SCHIP1: variants seen among roughly 807,000 people sequenced by gnomAD.
The protein encoded by SCHIP1 is schwannomin-interacting protein 1.
SCHIP1 carries 8 observed loss-of-function variants against 29.7 expected under a neutral mutation model. That is an observed-to-expected ratio of 0.27 (90% CI 0.16 to 0.49). The LOEUF (loss-of-function observed/expected upper bound fraction) is 0.49, where lower values mean the gene tolerates loss of function less well. Ranked by LOEUF, SCHIP1 falls within the 20% of genes least tolerant of loss-of-function variation. The probability of loss-of-function intolerance (pLI) is 0.99; values close to 1 mark genes in which losing one functional copy is unlikely to be tolerated. For missense variants in SCHIP1, 193 were observed against 294.6 expected, an observed-to-expected ratio of 0.66 and a Z score of 2.52; for synonymous variants, 76 against 94.9, an observed-to-expected ratio of 0.80 and a Z score of 1.16.
chr3:159,856,137 A>G (rs2109150407), intron 1 of SCHIP1, among the ~76,000 whole-genome samples: 1 of 152,322 alleles, frequency 6.6e-6, no homozygotes, highest in African/African-American at 2.4e-5. Flanking sequence ...ATAAAGAACC[A>G]CAGAGCTGAT....
chr3:159,483,214 C>T, the SCHIP1 span, among the ~76,000 whole-genome samples: 7 of 152,188 alleles, frequency 4.6e-5, no homozygotes, highest in Admixed American at 2.6e-4. Context: ...TTCTCCTTTG[C>T]GGTCAAAGAT....
At chr3:159,285,563 G>A in the SCHIP1 span, among the ~76,000 whole-genome samples, 1 of 151,692 alleles carries the variant, frequency 6.6e-6, no homozygotes, top group Non-Finnish European at 1.5e-5. Flanking sequence ...CCTTGTTTTT[G>A]TTTTGTGTTT....
chr3:159,435,012 G>T, the SCHIP1 span, among the ~76,000 whole-genome samples: 1 of 152,098 alleles, frequency 6.6e-6, no homozygotes, highest in East Asian at 1.9e-4. Flanking sequence ...GGACAGCAAG[G>T]CTTGATCACA....
At chr3:159,429,790 T>C in the SCHIP1 span, among the ~76,000 whole-genome samples, 1 of 152,166 alleles carries the variant, frequency 6.6e-6, no homozygotes, top group Non-Finnish European at 1.5e-5. Flanking sequence ...AATTACCACA[T>C]ACTTTGAGCC....
chr3:159,546,882 A>G, the SCHIP1 span, among the ~76,000 whole-genome samples: 2 of 152,314 alleles, frequency 1.3e-5, no homozygotes, highest in East Asian at 3.9e-4. Context: ...CAATAAACAT[A>G]CATGTGCATG....
chr3:159,536,201 A>C, the SCHIP1 span, among the ~76,000 whole-genome samples: 1 of 152,146 alleles, frequency 6.6e-6, no homozygotes, highest in African/African-American at 2.4e-5. Flanking sequence ...CAAGTTTTTC[A>C]CAGAGTTTTC....
chr3:159,896,485 T>C (rs538226785), intron 6 of SCHIP1, among the ~76,000 whole-genome samples: 1 of 152,364 alleles, frequency 6.6e-6, no homozygotes, highest in East Asian at 1.9e-4. Context: ...TAGTAATGTC[T>C]AAAAGTCTCA....
the SCHIP1 span, among the ~76,000 whole-genome samples, chr3:159,661,990 G>T: frequency 6.6e-6 from 1 of 152,070 alleles, no homozygotes; most frequent in Non-Finnish European, 1.5e-5. Context: ...CCAGTTTTAA[G>T]CAGTTCACAT....
At chr3:159,387,239 A>G in the SCHIP1 span, 384 of 200,254 alleles carry the variant, frequency 1.9e-3, 6 homozygotes, top group South Asian at 0.026. Context: ...TACCTGGTCC[A>G]CTGGCCAGCA....
At chr3:159,760,940 A>G in the SCHIP1 span, among the ~76,000 whole-genome samples, 1 of 152,246 alleles carries the variant, frequency 6.6e-6, no homozygotes, top group Non-Finnish European at 1.5e-5. Flanking sequence ...CATAAGATAA[A>G]TGCAGTGAGT....
chr3:159,577,103 A>G, the SCHIP1 span, among the ~76,000 whole-genome samples: 1 of 152,100 alleles, frequency 6.6e-6, no homozygotes, highest in Non-Finnish European at 1.5e-5. Context: ...CATAATTTTC[A>G]TTATCCTAAG....
chr3:159,473,694 A>G, the SCHIP1 span, among the ~76,000 whole-genome samples: 1 of 132,146 alleles, frequency 7.6e-6, no homozygotes, highest in Admixed American at 7.5e-5. Flanking sequence ...AAAAAAAAAA[A>G]GAAAAGAAAA....
the SCHIP1 span, among the ~76,000 whole-genome samples, chr3:159,368,035 C>A: frequency 6.6e-6 from 1 of 152,170 alleles, no homozygotes; most frequent in East Asian, 1.9e-4. Flanking sequence ...AACTCCTGAT[C>A]TTAGGAGGAG....
chr3:159,573,780 C>T, the SCHIP1 span, among the ~76,000 whole-genome samples: 1 of 152,032 alleles, frequency 6.6e-6, no homozygotes, highest in African/African-American at 2.4e-5. Context: ...TCATATAGTC[C>T]CATATTTCTT....
the SCHIP1 span, among the ~76,000 whole-genome samples, chr3:159,570,175 T>C: frequency 2.4e-4 from 36 of 152,370 alleles, no homozygotes; most frequent in African/African-American, 7.7e-4. Context: ...ATTTTGGCTT[T>C]TGTTGCCATT....
At chr3:159,493,560 AAT>A in the SCHIP1 span, among the ~76,000 whole-genome samples, 5 of 151,854 alleles carry the variant, frequency 3.3e-5, no homozygotes, top group African/African-American at 1.2e-4. Flanking sequence ...AACTATCCTA[AAT>A]ATATATGCAC....
chr3:159,515,206 A>T, the SCHIP1 span, among the ~76,000 whole-genome samples: 1 of 151,964 alleles, frequency 6.6e-6, no homozygotes, highest in Non-Finnish European at 1.5e-5. Flanking sequence ...ATTAAAAAAA[A>T]AAAAAACTAA....
At chr3:159,375,836 T>G in the SCHIP1 span, 1 of 758,880 alleles carries the variant, frequency 1.3e-6, no homozygotes, top group South Asian at 6.0e-5. Context: ...GAATCATCAA[T>G]GAAAGGATTT....
At chr3:159,801,246 G>A in the SCHIP1 span, among the ~76,000 whole-genome samples, 2 of 152,180 alleles carry the variant, frequency 1.3e-5, no homozygotes, top group African/African-American at 4.8e-5. Flanking sequence ...GATGGTAACA[G>A]TTACTGTAAG....
Sources: gnomAD v4.1 joint callset for allele counts (sites outside exome capture counted in the v4.1 genomes callset) on GRCh38, gnomAD v4.1.1 for gene constraint, MANE v1.5 for transcripts, NCBI Gene and HGNC (gene_info 2026-07-23, HGNC 2026-07-21) for gene names.